KLF12: variants seen among roughly 807,000 people sequenced by gnomAD.
The protein encoded by KLF12 is Krueppel-like factor 12.
KLF12 carries 9 observed loss-of-function variants against 37.8 expected under a neutral mutation model. That is an observed-to-expected ratio of 0.24 (90% CI 0.14 to 0.42). The LOEUF (loss-of-function observed/expected upper bound fraction) is 0.42. KLF12 is among the 10% of genes least tolerant of loss of function. The probability of loss-of-function intolerance (pLI) is 1.00; values close to 1 mark genes in which losing one functional copy is unlikely to be tolerated. For synonymous variants in KLF12, 208 were observed against 202.1 expected (o/e 1.03, Z -0.25); for missense variants, 411 against 516.0 (o/e 0.80, Z 1.97).
At chr13:74,175,192 T>C in the KLF12 span, among the ~76,000 whole-genome samples, 2 of 152,216 alleles carry the variant, frequency 1.3e-5, no homozygotes, top group African/African-American at 4.8e-5. Context: ...TTGCATCCTG[T>C]TGGCTGAGCC....
chr13:74,194,261 A>G, the KLF12 span, among the ~76,000 whole-genome samples: 5 of 152,240 alleles, frequency 3.3e-5, no homozygotes, highest in Admixed American at 3.3e-4. Flanking sequence ...AATATAGCAC[A>G]CAGAGCAGAA....
At chr13:74,102,779 G>C (rs1876433666) in intron 1 of KLF12, among the ~76,000 whole-genome samples, 1 of 152,160 alleles carries the variant, frequency 6.6e-6, no homozygotes, top group Admixed American at 6.5e-5. Context: ...AAAAACTGTG[G>C]AGGACATGAC....
the KLF12 span, among the ~76,000 whole-genome samples, chr13:74,275,248 A>T: frequency 6.6e-6 from 1 of 152,164 alleles, no homozygotes; most frequent in African/African-American, 2.4e-5. Flanking sequence ...GTACAAAATG[A>T]AGTCAGGGAG....
At chr13:74,159,898 A>T in the KLF12 span, among the ~76,000 whole-genome samples, 1 of 149,134 alleles carries the variant, frequency 6.7e-6, no homozygotes, top group Non-Finnish European at 1.5e-5. Context: ...GCTACTTAGG[A>T]GGCTGAGGTG....
intron 1 of KLF12, among the ~76,000 whole-genome samples, chr13:74,025,160 A>G (rs1892943158): frequency 6.6e-6 from 1 of 152,240 alleles, no homozygotes; most frequent in Non-Finnish European, 1.5e-5. Context: ...TGAAAATGCA[A>G]AGGGGCTGTA....
the KLF12 span, among the ~76,000 whole-genome samples, chr13:74,238,856 G>T: frequency 6.6e-6 from 1 of 151,738 alleles, no homozygotes; most frequent in African/African-American, 2.4e-5. Flanking sequence ...TCTTGCTAGC[G>T]GTCTGTCAAT....
the KLF12 span, among the ~76,000 whole-genome samples, chr13:74,185,536 G>C: frequency 6.6e-6 from 1 of 152,176 alleles, no homozygotes; most frequent in Non-Finnish European, 1.5e-5. Context: ...AGAAATTCAG[G>C]CTGTTGCACA....
chr13:73,883,495 GAA>G (rs1566436777), intron 3 of KLF12, among the ~76,000 whole-genome samples: 1 of 152,146 alleles, frequency 6.6e-6, no homozygotes, highest in Non-Finnish European at 1.5e-5. Flanking sequence ...TGACAGGGAA[GAA>G]CCCCCTAAGA....
chr13:74,260,002 T>G, the KLF12 span: 1 of 152,206 alleles, frequency 6.6e-6, no homozygotes, highest in Non-Finnish European at 1.5e-5. Context: ...TTACTTCTTC[T>G]AAGCATTTTT....
the KLF12 span, among the ~76,000 whole-genome samples, chr13:74,295,205 G>A: frequency 3.3e-5 from 5 of 152,122 alleles, no homozygotes; most frequent in Middle Eastern, 3.2e-3. Context: ...GCAGATGTTC[G>A]ATAGCTTAAT....
At chr13:73,851,507 AACTG>A (rs1195902110) in intron 3 of KLF12, among the ~76,000 whole-genome samples, 1 of 152,238 alleles carries the variant, frequency 6.6e-6, no homozygotes, top group Non-Finnish European at 1.5e-5. Context: ...AATACATTTT[AACTG>A]ACTGGCCTGA....
the KLF12 span, among the ~76,000 whole-genome samples, chr13:74,293,348 T>C: frequency 2.0e-3 from 297 of 152,286 alleles, no homozygotes; most frequent in African/African-American, 6.6e-3. Flanking sequence ...TCAAAACCTG[T>C]TCATATTGGC....
At chr13:73,954,229 G>T (rs1024187601) in intron 2 of KLF12, among the ~76,000 whole-genome samples, 2 of 151,852 alleles carry the variant, frequency 1.3e-5, no homozygotes, top group Non-Finnish European at 2.9e-5. Flanking sequence ...CCGCCCACCT[G>T]GGCCTCCCAA....
the KLF12 span, among the ~76,000 whole-genome samples, chr13:74,233,348 G>T: frequency 6.6e-6 from 1 of 152,044 alleles, no homozygotes; most frequent in African/African-American, 2.4e-5. Context: ...TCCACTATGT[G>T]CCCTGAAATG....
chr13:74,135,478 G>C (rs1878516382), upstream of KLF12, among the ~76,000 whole-genome samples: 1 of 151,868 alleles, frequency 6.6e-6, no homozygotes, highest in South Asian at 2.1e-4. Context: ...TTGTGGGGCG[G>C]GAGAGGGAGG....
intron 5 of KLF12, among the ~76,000 whole-genome samples, chr13:73,805,840 T>C (rs1013431675): frequency 6.6e-6 from 1 of 152,214 alleles, no homozygotes; most frequent in African/African-American, 2.4e-5. Flanking sequence ...AGTCTTGCTC[T>C]GTCGCTCAGG....
At chr13:74,193,618 C>G in the KLF12 span, among the ~76,000 whole-genome samples, 1 of 152,160 alleles carries the variant, frequency 6.6e-6, no homozygotes, top group Admixed American at 6.5e-5. Flanking sequence ...TTCCTCCAAG[C>G]CTTCATCTAC....
chr13:74,091,589 T>C (rs1227517460), intron 1 of KLF12, among the ~76,000 whole-genome samples: 5 of 152,184 alleles, frequency 3.3e-5, no homozygotes, highest in African/African-American at 1.2e-4. Flanking sequence ...CTGAAGAACA[T>C]CTTGGTTGTT....
At chr13:73,921,499 A>G (rs901133493) in intron 3 of KLF12, among the ~76,000 whole-genome samples, 13 of 152,190 alleles carry the variant, frequency 8.5e-5, no homozygotes, top group African/African-American at 3.1e-4. Context: ...TGTATACTGG[A>G]AAGTATACTC....
Sources: allele counts gnomAD v4.1 joint callset (sites outside exome capture counted in the v4.1 genomes callset), GRCh38; gene constraint gnomAD v4.1.1; transcripts MANE v1.5; gene names NCBI Gene and HGNC (gene_info 2026-07-23, HGNC 2026-07-21).